Variants in PRKAR2A observed in about 807,000 individuals in gnomAD.
PRKAR2A encodes cAMP-dependent protein kinase type II-alpha regulatory subunit.
A neutral mutation model predicts 51.9 loss-of-function variants in PRKAR2A; 29 were observed. The observed-to-expected ratio is 0.56, with a 90% CI of 0.42 to 0.76. The LOEUF is 0.76. Ranked by LOEUF, PRKAR2A falls within the 30% of genes least tolerant of loss-of-function variation. The probability of loss-of-function intolerance (pLI) is 0.00; values close to 1 mark genes in which losing one functional copy is unlikely to be tolerated. For missense variants in PRKAR2A, 445 were observed against 512.1 expected (o/e 0.87, Z 1.26); for synonymous variants, 178 against 186.2 (o/e 0.96, Z 0.36).
In PRKAR2A at chr3:48,807,682, G is replaced by C; in HGVS notation, c.265C>G (p.Pro89Ala). 1 of 1,604,656 alleles carries C rather than the reference G, an allele frequency of 6.2e-7. No individual in the cohort carries two copies. The highest frequency in any genetic ancestry group is 8.5e-7 in the Non-Finnish European group (1 of 1,172,256). The change falls in exon 2 of 11, where the codon CCA becomes GCA. Residue 89 changes from proline to alanine, a missense_variant and splice_region_variant. By Grantham distance (27) the Pro-to-Ala change is conservative. Coordinates refer to ENST00000265563, the MANE Select transcript of PRKAR2A (RefSeq NM_004157.4). The part of the protein sequence containing the change: ...ESEEDEDLEV[P>A]VPSRFNRRVS... ...CGTCTATTAAATCTGCTAGGAACTG[G>C]AACTGCAAAATAAAGAAGCAACATT...
chr3:48,777,695 G>T (rs528587571), intron 5 of PRKAR2A, among the ~76,000 whole-genome samples: 1 of 152,048 alleles, frequency 6.6e-6, no homozygotes, highest in Non-Finnish European at 1.5e-5. Context: ...GTGAGGCACC[G>T]CGCCAGGCCT....
intron 6 of PRKAR2A, among the ~76,000 whole-genome samples, chr3:48,771,566 T>C (rs1169394887): frequency 6.6e-6 from 1 of 152,158 alleles, no homozygotes; most frequent in Non-Finnish European, 1.5e-5. Context: ...TCTGATTTCA[T>C]TTTTTCTTTA....
intron 2 of PRKAR2A, among the ~76,000 whole-genome samples, chr3:48,795,135 C>A (rs993659177): frequency 2.0e-5 from 3 of 152,082 alleles, no homozygotes; most frequent in Non-Finnish European, 4.4e-5. Context: ...TGCAACCATG[C>A]CAGGCTAATT....
chr3:48,825,485 A>G (rs1202520757), intron 1 of PRKAR2A, among the ~76,000 whole-genome samples: 1 of 151,962 alleles, frequency 6.6e-6, no homozygotes, highest in Admixed American at 6.6e-5. Context: ...TAGACATTAA[A>G]CGTAAATGAT....
chr3:48,829,125 C>G (rs918590688), intron 1 of PRKAR2A, among the ~76,000 whole-genome samples: 18 of 151,826 alleles, frequency 1.2e-4, no homozygotes, highest in Non-Finnish European at 2.1e-4. Context: ...CGTGAGCCAC[C>G]GCACCCAGCT....
rs2081586486 is a variant in PRKAR2A, at chr3:48,748,050, G to GA, written c.*3534dup. On this transcript the variant is annotated 3_prime_UTR_variant, in exon 11 of 11. Coordinates refer to ENST00000265563, the MANE Select transcript of PRKAR2A (RefSeq NM_004157.4). ...TCTCCCTTCCTCAAGCTATTAAATA[G>GA]AACCCTCTAGGGATCCTGTATGCAG... 6.6e-6 allele frequency: 1 copy of GA among 151,846 alleles called. No homozygotes were observed. The highest frequency in any genetic ancestry group is 2.1e-4 in the South Asian group (1 of 4,820). 9.4% of individuals were successfully genotyped at this position (151,846 alleles called of 1,614,324 possible). A position where few individuals can be genotyped will look rare whatever the true frequency, so the allele number is the denominator to read the frequency against.
At chr3:48,774,905 G>A (rs994510738) in intron 5 of PRKAR2A, among the ~76,000 whole-genome samples, 6 of 152,036 alleles carry the variant, frequency 3.9e-5, no homozygotes, top group Admixed American at 3.9e-4. Flanking sequence ...AGTGGAAGTG[G>A]TGAAAGCAAA....
At chr3:48,760,227 C>T (rs1381623922) in intron 8 of PRKAR2A, among the ~76,000 whole-genome samples, 3 of 152,196 alleles carry the variant, frequency 2.0e-5, no homozygotes, top group Admixed American at 6.6e-5. Flanking sequence ...CATGGTGATG[C>T]ATGCCTGTAG....
chr3:48,770,449 C>T (rs2082013464), intron 6 of PRKAR2A, among the ~76,000 whole-genome samples: 1 of 152,076 alleles, frequency 6.6e-6, no homozygotes, highest in Non-Finnish European at 1.5e-5. Flanking sequence ...AACTCAGTGA[C>T]GACACCAGAT....
intron 5 of PRKAR2A, among the ~76,000 whole-genome samples, chr3:48,774,213 G>C (rs890171411): frequency 6.6e-6 from 1 of 152,018 alleles, no homozygotes; most frequent in African/African-American, 2.4e-5. Context: ...TGCATAGAAT[G>C]GGTAATGATT....
intron 8 of PRKAR2A, among the ~76,000 whole-genome samples, chr3:48,759,535 G>A (rs1267998676): frequency 2.6e-5 from 4 of 152,000 alleles, no homozygotes; most frequent in Admixed American, 1.3e-4. Context: ...TTACAGGCAC[G>A]TGCCACCACA....
chr3:48,844,097 G>A (rs2083422887), intron 1 of PRKAR2A, among the ~76,000 whole-genome samples: 1 of 151,576 alleles, frequency 6.6e-6, no homozygotes, highest in African/African-American at 2.4e-5. Flanking sequence ...TCTGACAAAG[G>A]GCGAATATCC....
intron 1 of PRKAR2A, among the ~76,000 whole-genome samples, chr3:48,812,486 GCTT>G (rs1276076795): frequency 6.7e-6 from 1 of 149,580 alleles, no homozygotes; most frequent in East Asian, 2.0e-4. Context: ...AGCAGAAAAA[GCTT>G]TTTTTTTTTT....
chr3:48,800,435 C>CCCA (rs1370431749), intron 2 of PRKAR2A, among the ~76,000 whole-genome samples: 1 of 150,976 alleles, frequency 6.6e-6, no homozygotes, highest in Non-Finnish European at 1.5e-5. Flanking sequence ...ATCGCTTGAA[C>CCCA]CCAGGAGGTG....
At chr3:48,770,221 G>A (rs1016633903) in intron 6 of PRKAR2A, among the ~76,000 whole-genome samples, 1 of 152,114 alleles carries the variant, frequency 6.6e-6, no homozygotes, top group African/African-American at 2.4e-5. Context: ...GAGCAGTGAA[G>A]AGGAAATTCC....
In PRKAR2A at chr3:48,750,018, C is replaced by T. The variant is rs2081621265; in HGVS notation, c.*1567G>A. The T allele has an allele frequency of 6.6e-6, 1 of 151,620 alleles. No homozygotes were observed. The highest frequency in any genetic ancestry group is 1.5e-5 in the Non-Finnish European group (1 of 67,976). 9.4% of individuals were successfully genotyped at this position (151,620 alleles called of 1,614,324 possible). ...CAAGTGATCCTTCCACCTCAGCCTC[C>T]TAAGTATTTGGGACTACATGCATGC... On this transcript the variant is annotated 3_prime_UTR_variant, in exon 11 of 11. Transcript: ENST00000265563.
At chr3:48,751,945 T>G (rs1379188179) in intron 10 of PRKAR2A, among the ~76,000 whole-genome samples, 2 of 152,142 alleles carry the variant, frequency 1.3e-5, no homozygotes, top group Non-Finnish European at 2.9e-5. Context: ...GCCCTGGACA[T>G]CAGTTCTTTT....
In PRKAR2A at chr3:48,752,315, A is replaced by G; in HGVS notation, c.942T>C (p.Thr314=). ...GEVSILIRSR[T]KSNKDGGNQE... The stretch of plus-strand genomic sequence containing the variant: ...GGTTCCCACCATCCTTGTTTGATTT[A>G]GTCTACAGCAGGCAAAGAACATGAC... The change falls in exon 10 of 11, where the codon ACT becomes ACC. Residue 314 remains threonine (T), a splice_region_variant and synonymous_variant. Transcript: ENST00000265563. 6.2e-7 allele frequency: 1 copy of G among 1,612,892 alleles called. No homozygotes were observed.
chr3:48,815,330 AT>A (rs1286817763), intron 1 of PRKAR2A, among the ~76,000 whole-genome samples: 4 of 151,044 alleles, frequency 2.6e-5, no homozygotes, highest in Non-Finnish European at 4.4e-5. Context: ...ATATACATAC[AT>A]ATTTTATATA....
Sources: allele counts gnomAD v4.1 joint callset (sites outside exome capture counted in the v4.1 genomes callset), GRCh38; gene constraint gnomAD v4.1.1; transcripts MANE v1.5; gene names NCBI Gene and HGNC (gene_info 2026-07-23, HGNC 2026-07-21).